FBXL13: variants seen among roughly 807,000 people sequenced by gnomAD.
FBXL13 encodes the protein F-box and leucine-rich repeat protein 13.
In FBXL13, 67 loss-of-function variants were observed where a neutral mutation model predicts 83.6. The observed-to-expected ratio is 0.80, with a 90% CI of 0.66 to 0.98. The LOEUF is 0.98. Ranked by LOEUF, FBXL13 falls within the 50% of genes least tolerant of loss-of-function variation. FBXL13 has a pLI of 0.00. For synonymous variants in FBXL13, 272 were observed against 299.5 expected, an observed-to-expected ratio of 0.91 and a Z score of 0.95; for missense variants, 822 against 866.5, an observed-to-expected ratio of 0.95 and a Z score of 0.64.
chr7:103,029,154 A>G (rs1406755161), intron 3 of FBXL13, among the ~76,000 whole-genome samples, 197 bp downstream of exon 4: 23 of 152,068 alleles, frequency 1.5e-4, no homozygotes, highest in Non-Finnish European at 3.4e-4. Flanking sequence ...AGATAATTAT[A>G]CCTTAAAGAA....
At chr7:102,924,734 T>C (rs909045860) in intron 10 of FBXL13, among the ~76,000 whole-genome samples, 11 of 148,338 alleles carry the variant, frequency 7.4e-5, no homozygotes, top group Admixed American at 7.0e-4. Flanking sequence ...CTCCGCCTCC[T>C]GGGTTCATGC....
chr7:103,042,567 C>G (rs1406832020), intron 2 of FBXL13, among the ~76,000 whole-genome samples: 1 of 152,162 alleles, frequency 6.6e-6, no homozygotes, highest in Non-Finnish European at 1.5e-5. Context: ...AGACTTCAAA[C>G]TATACTACAA....
At chr7:102,819,605 A>G (rs1187456214) in intron 19 of FBXL13, among the ~76,000 whole-genome samples, 2 of 152,196 alleles carry the variant, frequency 1.3e-5, no homozygotes, top group South Asian at 2.1e-4. Context: ...GGGCTGCATC[A>G]TACATTGTTT....
At chr7:102,824,744 C>G (rs1380297924) in intron 18 of FBXL13, among the ~76,000 whole-genome samples, 5 of 150,894 alleles carry the variant, frequency 3.3e-5, no homozygotes, top group Admixed American at 1.3e-4. Context: ...CCTTGGCCTC[C>G]TAAAGTGCTG....
chr7:102,866,637 A>G (rs1276683831), intron 16 of FBXL13, among the ~76,000 whole-genome samples: 1 of 152,000 alleles, frequency 6.6e-6, no homozygotes, highest in African/African-American at 2.4e-5. Flanking sequence ...CTCAGGCTTT[A>G]TTTTTGTGTG....
intron 8 of FBXL13, among the ~76,000 whole-genome samples, chr7:102,960,520 A>G (rs1293051711): frequency 6.6e-6 from 1 of 151,544 alleles, no homozygotes; most frequent in Non-Finnish European, 1.5e-5. Context: ...AGCCAGGCAG[A>G]GACACAACAA....
At chr7:102,858,708 TATC>T (rs1308006610) in intron 16 of FBXL13, among the ~76,000 whole-genome samples, 1 of 152,138 alleles carries the variant, frequency 6.6e-6, no homozygotes, top group Admixed American at 6.5e-5. Context: ...AACTTGAAAA[TATC>T]ATCCTAAGTA....
intron 2 of FBXL13, among the ~76,000 whole-genome samples, chr7:103,044,998 T>A (rs1175127919): frequency 6.6e-6 from 1 of 152,234 alleles, no homozygotes; most frequent in Non-Finnish European, 1.5e-5. Context: ...GAATTAAATG[T>A]AAAGGAATTT....
intron 2 of FBXL13, among the ~76,000 whole-genome samples, chr7:103,048,234 A>ATG (rs1431127929): frequency 1.3e-5 from 2 of 152,008 alleles, no homozygotes; most frequent in Non-Finnish European, 2.9e-5. Flanking sequence ...ATATATATAT[A>ATG]AAGTTTTAAA....
intron 6 of FBXL13, among the ~76,000 whole-genome samples, chr7:103,018,958 C>T (rs1792756469): frequency 6.6e-6 from 1 of 152,154 alleles, no homozygotes; most frequent in Non-Finnish European, 1.5e-5. Flanking sequence ...GAACTCAGCT[C>T]TGCACCAAGC....
intron 5 of FBXL13, 44 bp from the exon 7 acceptor site, chr7:103,025,274 G>C: frequency 1.5e-6 from 2 of 1,304,132 alleles, no homozygotes; most frequent in Non-Finnish European, 2.1e-6. Context: ...TTGCTGTAAC[G>C]GTCAAGAGAG....
chr7:102,861,299 T>C (rs1806797609), intron 16 of FBXL13, among the ~76,000 whole-genome samples: 1 of 152,180 alleles, frequency 6.6e-6, no homozygotes, highest in East Asian at 1.9e-4. Flanking sequence ...TCTTTTTTTC[T>C]TTAAATTTTT....
At chr7:102,970,118 G>T (rs1407004903) in intron 6 of FBXL13, among the ~76,000 whole-genome samples, 1 of 151,962 alleles carries the variant, frequency 6.6e-6, no homozygotes, top group Non-Finnish European at 1.5e-5. Context: ...ATATATGGTG[G>T]TGCACACCTA....
chr7:102,854,236 T>C lies in FBXL13; in HGVS notation c.1719+541A>G, dbSNP rs567096872. ...GTCCTTTGTGGTGACATGGATGAAATTGGAAATCATCATTCTCAGTAAACT... is the reference window on the plus strand; with the variant it reads ...GTCCTTTGTGGTGACATGGATGAAACTGGAAATCATCATTCTCAGTAAACT... On this transcript the variant is annotated intron_variant, in intron 17 of 19. Coordinates refer to ENST00000313221, the Ensembl canonical transcript of FBXL13. Among the ~76,000 whole-genome samples, 39 of 152,212 alleles carry C rather than the reference T, an allele frequency of 2.6e-4. No individual in the cohort carries two copies. In the East Asian group the frequency reaches 4.8e-3, roughly 19 times the overall value.
At chr7:102,845,223 C>T (rs905934224) in intron 17 of FBXL13, among the ~76,000 whole-genome samples, 3 of 152,092 alleles carry the variant, frequency 2.0e-5, no homozygotes, top group African/African-American at 7.2e-5. Context: ...CATGACCAGC[C>T]CCCAACCAAG....
At chr7:102,909,080 T>C (rs1189712832) in intron 11 of FBXL13, among the ~76,000 whole-genome samples, 2 of 152,200 alleles carry the variant, frequency 1.3e-5, no homozygotes, top group Admixed American at 6.5e-5. Flanking sequence ...GGTGTTCTAT[T>C]GCACTGCGGC....
At chr7:102,905,245 T>C (rs951315724) in intron 11 of FBXL13, among the ~76,000 whole-genome samples, 3 of 152,202 alleles carry the variant, frequency 2.0e-5, no homozygotes, top group African/African-American at 7.2e-5. Flanking sequence ...TTGGGGTCCA[T>C]CTCTCTCCAG....
intron 8 of FBXL13, chr7:102,944,312 T>C (rs543255815): frequency 6.2e-7 from 1 of 1,614,062 alleles, no homozygotes; most frequent in South Asian, 1.1e-5. Flanking sequence ...TTTTTGAAAC[T>C]CTTGTGGCTC....
chr7:102,825,971 G>A (rs901319756), intron 18 of FBXL13, among the ~76,000 whole-genome samples: 1 of 152,178 alleles, frequency 6.6e-6, no homozygotes, highest in Admixed American at 6.5e-5. Flanking sequence ...TGTGACCAGT[G>A]ACTAGCATAA....
Sources: allele counts gnomAD v4.1 joint callset (sites outside exome capture counted in the v4.1 genomes callset), GRCh38; gene constraint gnomAD v4.1.1; transcripts MANE v1.5; gene names NCBI Gene and HGNC (gene_info 2026-07-23, HGNC 2026-07-21).